IL3RA: variants seen among roughly 807,000 people sequenced by gnomAD.
IL3RA encodes interleukin-3 receptor subunit alpha.
Under a neutral mutation model 52.3 loss-of-function variants are expected in IL3RA, and 73 were observed. That is an observed-to-expected ratio of 1.40 (90% CI 1.16 to 1.70). The LOEUF (loss-of-function observed/expected upper bound fraction) is 1.70, where lower values mean the gene tolerates loss of function less well. IL3RA is among the 40% of genes most tolerant of loss of function. The pLI is 0.00. For missense variants in IL3RA, 664 were observed against 504.4 expected, an observed-to-expected ratio of 1.32 and a Z score of -3.03; for synonymous variants, 260 against 194.0, an observed-to-expected ratio of 1.34 and a Z score of -2.83.
At chrX:1,344,079 C>T (rs1390072228) in intron 2 of IL3RA, among the ~76,000 whole-genome samples, 2 of 152,038 alleles carry the variant, frequency 1.3e-5, no homozygotes, top group Non-Finnish European at 2.9e-5. Flanking sequence ...CGGGCGTGAG[C>T]CACCACGCCC....
intron 6 of IL3RA, among the ~76,000 whole-genome samples, chrX:1,353,925 T>TCCATCATGGGTCATGGGACCCCCCCC (rs2086371735): frequency 9.0e-5 from 10 of 110,532 alleles, no homozygotes; most frequent in South Asian, 9.0e-4. Context: ...CATCATGGGT[T>TCCATCATGGGTCATGGGACCCCCCCC]CCATCATGGG....
At chrX:1,363,457 G>A (rs761816572) in intron 8 of IL3RA, among the ~76,000 whole-genome samples, 2 of 151,632 alleles carry the variant, frequency 1.3e-5, no homozygotes, top group Non-Finnish European at 2.9e-5. Context: ...CCCGCCACCG[G>A]GCCCGGCTAA....
At chrX:1,341,904 C>CAAGGCAGGTGGACGATCACAAGGTCAGGA in intron 2 of IL3RA, 75 bp downstream of exon 2, 1 of 1,494,992 alleles carries the variant, frequency 6.7e-7, no homozygotes, top group East Asian at 2.3e-5. Context: ...GTCAGCGTGC[C>CAAGGCAGGTGGACGATCACAAGGTCAGGA]GTCCTTCAGG....
chrX:1,349,319 T>C (rs1255090175), intron 4 of IL3RA, among the ~76,000 whole-genome samples: 11 of 151,338 alleles, frequency 7.3e-5, no homozygotes, highest in Admixed American at 5.3e-4. Flanking sequence ...GTAGCTGGGA[T>C]TATAGGCGCC....
Position 1,382,628 on chromosome X carries a change from G to A in IL3RA, c.*163G>A, listed in dbSNP as rs1246207635. On this transcript the variant is annotated 3_prime_UTR_variant, in exon 12 of 12. Coordinates refer to ENST00000331035, the MANE Select transcript of IL3RA (RefSeq NM_002183.4). ...GTGTAATTTCGTCCGAAGCTGCCAG[G>A]AAGAAGAACAGAACTTTGTGTGTTT... The A allele has an allele frequency of 1.5e-6, 1 of 671,214 alleles. No individual in the cohort carries two copies. Among genetic ancestry groups the A allele is most frequent in the Non-Finnish European group, 2.7e-6 (1 of 370,260 alleles). 41.6% of individuals were successfully genotyped at this position (671,214 alleles called of 1,614,324 possible). A position where few individuals can be genotyped will look rare whatever the true frequency, so the allele number is the denominator to read the frequency against.
At chrX:1,366,826 G>A (rs1258395453) in intron 9 of IL3RA, among the ~76,000 whole-genome samples, 2 of 36,044 alleles carry the variant, frequency 5.5e-5, no homozygotes, top group East Asian at 1.2e-3. Flanking sequence ...AGCGGGGTGC[G>A]CGGGGTGCGC....
At chrX:1,368,241 C>T (rs1311391470) in intron 9 of IL3RA, among the ~76,000 whole-genome samples, 2 of 151,732 alleles carry the variant, frequency 1.3e-5, no homozygotes, top group African/African-American at 4.8e-5. Context: ...CCAGCCTGGG[C>T]GACAAGAGCG....
rs1329577254 is a variant in IL3RA, at chrX:1,354,554, G to GA, written c.617-1666dup. Among the ~76,000 whole-genome samples the GA allele has an allele frequency of 7.2e-5, 10 of 139,020 alleles. No individual in the cohort carries two copies. The East Asian group carries it at 2.2e-3, about 31-fold the overall frequency. 91.2% of individuals were successfully genotyped at this position (139,020 alleles called of 152,430 possible). A position where few individuals can be genotyped will look rare whatever the true frequency, so the allele number is the denominator to read the frequency against. ...AGGAGGGGGAGGAGGTAGAGATGGAGAGGGAAGGAAGAGGAGGAAGAGAAG... is the reference window on the plus strand; with the variant it reads ...AGGAGGGGGAGGAGGTAGAGATGGAGAAGGGAAGGAAGAGGAGGAAGAGAAG... On this transcript the variant is annotated intron_variant, in intron 6 of 11. Transcript: ENST00000331035.
intron 8 of IL3RA, 36 bp downstream of exon 8, chrX:1,358,923 A>G (rs370983325): frequency 6.4e-7 from 1 of 1,568,032 alleles, no homozygotes; most frequent in Non-Finnish European, 8.7e-7. Flanking sequence ...TGTACTTGAC[A>G]TTGCAAAGGG....
intron 1 of IL3RA, among the ~76,000 whole-genome samples, chrX:1,339,516 G>A (rs1171230823): frequency 2.6e-5 from 4 of 152,156 alleles, no homozygotes; most frequent in Non-Finnish European, 5.9e-5. Context: ...ATGTTAGGCC[G>A]GGCGCGGTGG....
intron 8 of IL3RA, among the ~76,000 whole-genome samples, chrX:1,360,078 CATCT>C (rs2087094590): frequency 7.0e-6 from 1 of 143,396 alleles, no homozygotes; most frequent in Non-Finnish European, 1.5e-5. Flanking sequence ...TTTCTCCCTC[CATCT>C]TTCTCTCTCT....
chrX:1,355,404 TAGGAGCGGAGGGGG>T (rs2086620730), intron 6 of IL3RA, among the ~76,000 whole-genome samples: 1 of 66,932 alleles, frequency 1.5e-5, no homozygotes, highest in Non-Finnish European at 2.7e-5. Context: ...AGAGGAAGAG[TAGGAGCGGAGGGGG>T]AGGAGGGGAG....
At position 1,348,664 on chromosome X, in the gene IL3RA, TTCTTTCTTTCTTTCTTTCTTTC is replaced by T. The variant is rs1386533883; in HGVS notation, c.298+121_298+142del. On this transcript the variant is annotated intron_variant, in intron 4 of 11. Transcript: ENST00000331035. Reference sequence around the variant, plus strand: ...TTTTTCTCTTTCTTTCTTTCTTTCTTTCTTTCTTTCTTTCTTTCTTTCTTTCTTTTTCTTTCTTTCTGTTTCT... The same window carrying T: ...TTTTTCTCTTTCTTTCTTTCTTTCTTTTTCTTTTTCTTTCTTTCTGTTTCT... 2.6e-5 allele frequency: 12 copies of T among 454,658 alleles called. No individual in the cohort carries two copies. In the African/African-American group the frequency reaches 4.4e-4, roughly 17 times the overall value. 28.2% of individuals were successfully genotyped at this position (454,658 alleles called of 1,614,324 possible).
intron 7 of IL3RA, among the ~76,000 whole-genome samples, chrX:1,356,936 T>C (rs1454806225): frequency 6.6e-6 from 1 of 152,186 alleles, no homozygotes; most frequent in African/African-American, 2.4e-5. Context: ...CCACAGTTCG[T>C]TGGATCAGTT....
intron 8 of IL3RA, among the ~76,000 whole-genome samples, chrX:1,361,910 G>T (rs1292570149): frequency 6.6e-6 from 1 of 151,798 alleles, no homozygotes; most frequent in African/African-American, 2.4e-5. Context: ...CTCACAACAC[G>T]TGGGAGTTAT....
intron 1 of IL3RA, among the ~76,000 whole-genome samples, chrX:1,339,446 A>G (rs1243375560): frequency 2.6e-5 from 4 of 152,076 alleles, no homozygotes; most frequent in Non-Finnish European, 5.9e-5. Flanking sequence ...CACCCCTTCC[A>G]TTTATAATTT....
rs774475281 is a variant in IL3RA, at chrX:1,365,301, CGCGGGGTGA to C, written c.874+58_874+66del. 93 of 982,470 alleles carry C rather than the reference CGCGGGGTGA, an allele frequency of 9.5e-5. 1 individual carries two copies. The highest frequency in any genetic ancestry group is 6.6e-4 in the African/African-American group (23 of 34,842). The allele number at this position is 982,470 out of a possible 1,614,324, so 60.9% of individuals were successfully genotyped here. A position where few individuals can be genotyped will look rare whatever the true frequency, so the allele number is the denominator to read the frequency against. On this transcript the variant is annotated intron_variant, in intron 9 of 11. Coordinates refer to ENST00000331035, the MANE Select transcript of IL3RA (RefSeq NM_002183.4). Reference sequence around the variant, plus strand: ...CGGGGTGAGCGGGGTGAGCGGGGTGCGCGGGGTGAGCGGGGTGCGCGGGGTGAGCGGGGT... The same window carrying C: ...CGGGGTGAGCGGGGTGAGCGGGGTGCGCGGGGTGCGCGGGGTGAGCGGGGT...
At chrX:1,367,545 A>C (rs1265961292) in intron 9 of IL3RA, among the ~76,000 whole-genome samples, 1 of 74,898 alleles carries the variant, frequency 1.3e-5, no homozygotes, top group African/African-American at 6.4e-5. Flanking sequence ...GCGCGGCGTG[A>C]GCCGGGTGCG....
chrX:1,338,956 C>T (rs1327352601), intron 1 of IL3RA, among the ~76,000 whole-genome samples: 7 of 151,994 alleles, frequency 4.6e-5, no homozygotes, highest in Non-Finnish European at 5.9e-5. Context: ...CCCGCAACTA[C>T]GCCTGGCTAA....
Sources: allele counts gnomAD v4.1 joint callset (sites outside exome capture counted in the v4.1 genomes callset), GRCh38; gene constraint gnomAD v4.1.1; transcripts MANE v1.5; gene names NCBI Gene and HGNC (gene_info 2026-07-23, HGNC 2026-07-21).